The following ZNF398 variants were observed in gnomAD, a reference collection of about 807,000 sequenced individuals.
ZNF398 encodes the protein zinc finger DNA binding protein ZER6.
In ZNF398, 18 loss-of-function variants were observed where a neutral mutation model predicts 41.9. That is an observed-to-expected ratio of 0.43 (90% confidence interval 0.30 to 0.64). ZNF398 has a LOEUF of 0.64. ZNF398 is among the 30% of genes least tolerant of loss of function. The pLI is 0.14. For missense variants in ZNF398, 669 were observed against 822.8 expected (o/e 0.81, Z 2.29); for synonymous variants, 260 against 308.8 (o/e 0.84, Z 1.66).
chr7:149,156,017 C>T (rs182996322), intron 2 of ZNF398, among the ~76,000 whole-genome samples: 7 of 152,048 alleles, frequency 4.6e-5, no homozygotes, highest in South Asian at 2.1e-4. Context: ...TGAGCCACCG[C>T]GCCCGGCCAG....
intron 4 of ZNF398, among the ~76,000 whole-genome samples, chr7:149,170,057 A>G (rs1338987942): frequency 6.6e-6 from 1 of 152,178 alleles, no homozygotes; most frequent in East Asian, 1.9e-4. Flanking sequence ...CTCAGTGCCC[A>G]AGGTTTTTAT....
chr7:149,135,247 G>A (rs906561343), intron 2 of ZNF398, among the ~76,000 whole-genome samples: 1 of 151,720 alleles, frequency 6.6e-6, no homozygotes, highest in Non-Finnish European at 1.5e-5. Flanking sequence ...AAAAATAGCC[G>A]GGCGTCGTGG....
chr7:149,172,059 C>A (rs1795354218), intron 4 of ZNF398, among the ~76,000 whole-genome samples: 1 of 152,238 alleles, frequency 6.6e-6, no homozygotes, highest in Non-Finnish European at 1.5e-5. Flanking sequence ...CAAATATAAA[C>A]CTTTGTACTA....
intron 1 of ZNF398, among the ~76,000 whole-genome samples, chr7:149,149,460 C>G (rs1827056266): frequency 6.6e-6 from 1 of 152,052 alleles, no homozygotes. Context: ...TCTCAATCTC[C>G]TGACCTCGTG....
chr7:149,164,473 C>T (rs1400538996), intron 2 of ZNF398, among the ~76,000 whole-genome samples: 2 of 151,538 alleles, frequency 1.3e-5, no homozygotes, highest in Non-Finnish European at 1.5e-5. Context: ...AGTCAAAGAA[C>T]GAAACTTTCA....
At chr7:149,141,039 CAA>C (rs60228279) in intron 2 of ZNF398, among the ~76,000 whole-genome samples, 2,430 of 119,952 alleles carry the variant, frequency 0.02, 21 homozygotes, top group African/African-American at 0.034. Flanking sequence ...CAGCCTGTCT[CAA>C]AAAAAAAAAA....
chr7:149,161,498 G>T (rs780050552), intron 2 of ZNF398, among the ~76,000 whole-genome samples: 7 of 152,174 alleles, frequency 4.6e-5, no homozygotes, highest in Non-Finnish European at 8.8e-5. Context: ...TCAGGAGGTC[G>T]AGGCTATAGT....
In ZNF398 at chr7:149,182,773, G is replaced by A. The variant is rs1795621149; in HGVS notation, c.*2972G>A. On this transcript the variant is annotated 3_prime_UTR_variant, in exon 6 of 6. Coordinates refer to ENST00000475153, the MANE Select transcript of ZNF398 (RefSeq NM_170686.3). ...TTTAGCCACAGTTGTGAAAATAAAT[G>A]GAAGTTGGTTGATTGTCTAGAAAGT... is the stretch of plus-strand genomic sequence containing the variant. 1.3e-5 allele frequency: 2 copies of A among 152,166 alleles called. No individual in the cohort carries two copies. Among genetic ancestry groups the A allele is most frequent in the African/African-American group, 2.4e-5 (1 of 41,438 alleles). The allele number at this position is 152,166 out of a possible 1,614,324, so 9.4% of individuals were successfully genotyped here. A position where few individuals can be genotyped will look rare whatever the true frequency, so the allele number is the denominator to read the frequency against.
intron 2 of ZNF398, among the ~76,000 whole-genome samples, chr7:149,130,817 T>C (rs12704063): frequency 0.54 from 81,784 of 152,112 alleles, 25,519 homozygotes; most frequent in East Asian, 0.9. Context: ...AGATGGGAGA[T>C]GGGAGATCAG....
At chr7:149,167,634 CTTTTTTTT>C (rs1163487497) in intron 4 of ZNF398, among the ~76,000 whole-genome samples, 1 of 133,972 alleles carries the variant, frequency 7.5e-6, no homozygotes, top group South Asian at 2.4e-4. Flanking sequence ...TTTTTCTTTT[CTTTTTTTT>C]TTTTTTTTTT....
At chr7:149,128,260 A>G (rs181264749) in intron 1 of ZNF398, among the ~76,000 whole-genome samples, 1 of 152,274 alleles carries the variant, frequency 6.6e-6, no homozygotes, top group Non-Finnish European at 1.5e-5. Context: ...AAGGCGGGAC[A>G]ACTCCAAGCG....
chr7:149,154,100 C>T lies in ZNF398; in HGVS notation c.180C>T (p.His60=). The change falls in exon 2 of 6, where the codon CAC becomes CAT. Residue 60 remains histidine (H), a synonymous_variant. Coordinates refer to ENST00000475153, the MANE Select transcript of ZNF398 (RefSeq NM_170686.3). ...CTATAGAGAGGAAGGTGGAGATCCA[C>T]AGCCGGCGACTCCTACACCTGGAAG... ...VQAIERKVEI[H]SRRLLHLEGR... 6.2e-7 allele frequency: 1 copy of T among 1,614,064 alleles called. No individual in the cohort carries two copies. Among genetic ancestry groups the T allele is most frequent in the Non-Finnish European group, 8.5e-7 (1 of 1,179,940 alleles).
chr7:149,176,373 T>C (rs753031830), intron 4 of ZNF398, 95 bp from the exon 5 acceptor site: 1 of 873,536 alleles, frequency 1.1e-6, no homozygotes, highest in African/African-American at 1.7e-5. Flanking sequence ...GGAAAAATAT[T>C]TGGGGCAAAA....
At chr7:149,133,704 T>TACAC (rs1554459646) in intron 2 of ZNF398, among the ~76,000 whole-genome samples, 1 of 74,022 alleles carries the variant, frequency 1.4e-5, no homozygotes, top group South Asian at 4.3e-4. Flanking sequence ...TATATATATA[T>TACAC]ACACACATAT....
At chr7:149,175,527 T>G (rs1795443110) in intron 4 of ZNF398, among the ~76,000 whole-genome samples, 1 of 152,030 alleles carries the variant, frequency 6.6e-6, no homozygotes. Flanking sequence ...CTCCCAGCAT[T>G]TAGGAAACAA....
upstream of ZNF398, among the ~76,000 whole-genome samples, chr7:149,144,740 G>A (rs193242478): frequency 4.0e-5 from 6 of 151,756 alleles, no homozygotes; most frequent in Admixed American, 3.3e-4. Context: ...AGGCACCCAC[G>A]ACCACGCCCG....
intron 4 of ZNF398, among the ~76,000 whole-genome samples, chr7:149,168,234 C>T (rs1165138976): frequency 1.3e-5 from 2 of 151,920 alleles, no homozygotes; most frequent in African/African-American, 2.4e-5. Flanking sequence ...CCCACCACCA[C>T]GCCTGGCTAA....
chr7:149,166,571 A>G (rs2129521164), intron 3 of ZNF398, among the ~76,000 whole-genome samples: 1 of 152,266 alleles, frequency 6.6e-6, no homozygotes, highest in East Asian at 1.9e-4. Flanking sequence ...CCCTTGAGGC[A>G]CACTGTCACT....
At chr7:149,178,449 T>C (rs1330490512) in intron 5 of ZNF398, among the ~76,000 whole-genome samples, 199 bp from the exon 6 acceptor site, 10 of 152,210 alleles carry the variant, frequency 6.6e-5, no homozygotes, top group Non-Finnish European at 1.3e-4. Context: ...TGTGATCCTG[T>C]CATAAAATAA....
Sources: allele counts gnomAD v4.1 joint callset (sites outside exome capture counted in the v4.1 genomes callset), GRCh38; gene constraint gnomAD v4.1.1; transcripts MANE v1.5; gene names NCBI Gene and HGNC (gene_info 2026-07-23, HGNC 2026-07-21).